CALN1: variants seen among roughly 807,000 people sequenced by gnomAD.
CALN1 encodes the protein calcium-binding protein 8.
Under a neutral mutation model 30.6 loss-of-function variants are expected in CALN1, and 17 were observed. That is an observed-to-expected ratio of 0.56 (90% CI 0.38 to 0.83). CALN1 has a LOEUF of 0.83. Among genes scored for constraint, CALN1 ranks in the 40% least tolerant of loss-of-function variants. The pLI is 0.00. For missense variants in CALN1, 291 were observed against 354.9 expected, an observed-to-expected ratio of 0.82 and a Z score of 1.45; for synonymous variants, 156 against 131.4, an observed-to-expected ratio of 1.19 and a Z score of -1.28.
intron 3 of CALN1, among the ~76,000 whole-genome samples, chr7:72,107,028 GAAAA>G (rs1807220655): frequency 6.6e-6 from 1 of 151,884 alleles, no homozygotes; most frequent in East Asian, 1.9e-4. Context: ...GAGAAAAAAA[GAAAA>G]AGAAAGAAAG....
intron 5 of CALN1, among the ~76,000 whole-genome samples, chr7:71,965,652 C>T (rs1797495417): frequency 6.6e-6 from 1 of 152,146 alleles, no homozygotes; most frequent in Admixed American, 6.6e-5. Context: ...TTACCTTATT[C>T]ATTTAAAAGA....
chr7:72,502,227 T>C, the CALN1 span, among the ~76,000 whole-genome samples: 2 of 149,576 alleles, frequency 1.3e-5, no homozygotes, highest in African/African-American at 4.9e-5. Context: ...GCTGAATTGC[T>C]TGTGGGGCGG....
chr7:72,054,464 T>TACATATATAC (rs1398201770), intron 4 of CALN1, among the ~76,000 whole-genome samples: 1 of 126,184 alleles, frequency 7.9e-6, no homozygotes, highest in Non-Finnish European at 1.7e-5. Context: ...TATACATATA[T>TACATATATAC]ATACATATAT....
chr7:72,102,898 C>T (rs1806779107), intron 4 of CALN1, among the ~76,000 whole-genome samples: 1 of 151,860 alleles, frequency 6.6e-6, no homozygotes, highest in African/African-American at 2.4e-5. Context: ...CATGGTGAAA[C>T]CCTGTCTGTA....
At chr7:72,220,924 T>C (rs1326459174) in intron 3 of CALN1, among the ~76,000 whole-genome samples, 2 of 152,182 alleles carry the variant, frequency 1.3e-5, no homozygotes, top group African/African-American at 4.8e-5. Flanking sequence ...TTTGAGTTCA[T>C]TGTAGATTCT....
chr7:72,419,680 G>A (rs929383367), intron 1 of CALN1, among the ~76,000 whole-genome samples: 2 of 152,106 alleles, frequency 1.3e-5, no homozygotes, highest in African/African-American at 4.8e-5. Flanking sequence ...TTATTGGCCT[G>A]CCATACCCCT....
At chr7:71,979,408 T>C (rs1798272825) in intron 5 of CALN1, among the ~76,000 whole-genome samples, 1 of 152,166 alleles carries the variant, frequency 6.6e-6, no homozygotes, top group Non-Finnish European at 1.5e-5. Flanking sequence ...TGGGAGACAG[T>C]GACAGATCAT....
At chr7:72,457,004 C>CTTTTTTTTTTTTTTT in the CALN1 span, among the ~76,000 whole-genome samples, 11 of 106,598 alleles carry the variant, frequency 1.0e-4, no homozygotes, top group Non-Finnish European at 1.7e-4. Context: ...TTCTTTCTTT[C>CTTTTTTTTTTTTTTT]TTTTTTTTTT....
At chr7:71,857,321 G>A (rs919159150) in intron 5 of CALN1, among the ~76,000 whole-genome samples, 1 of 152,040 alleles carries the variant, frequency 6.6e-6, no homozygotes, top group Non-Finnish European at 1.5e-5. Context: ...GCATCTTCCC[G>A]CCTCTGGCAC....
intron 4 of CALN1, among the ~76,000 whole-genome samples, chr7:72,070,158 T>C (rs894686289): frequency 1.3e-5 from 2 of 152,188 alleles, no homozygotes; most frequent in African/African-American, 4.8e-5. Flanking sequence ...CTGTCAAAAC[T>C]AGTTTGGTCA....
intron 2 of CALN1, among the ~76,000 whole-genome samples, chr7:72,397,592 C>T (rs1051182986): frequency 6.6e-5 from 10 of 152,042 alleles, no homozygotes; most frequent in Non-Finnish European, 1.0e-4. Flanking sequence ...ATGTGTTCCT[C>T]AATGGGGCAG....
chr7:72,186,515 C>T (rs373038284), intron 3 of CALN1, among the ~76,000 whole-genome samples: 3 of 152,214 alleles, frequency 2.0e-5, no homozygotes, highest in African/African-American at 7.2e-5. Flanking sequence ...GAACTGAACC[C>T]CTTACACAAG....
In CALN1 at chr7:72,388,006, CAA is replaced by C. The variant is rs1424947830; in HGVS notation, c.119+15243_119+15244del. Among the ~76,000 whole-genome samples, 3 of 152,086 alleles carry C rather than the reference CAA, an allele frequency of 2.0e-5. No homozygotes were observed. In the East Asian group the frequency reaches 5.8e-4, roughly 29 times the overall value. The stretch of plus-strand genomic sequence containing the variant: ...TTAACAATAACATGTTGTATATTTC[CAA>C]AGAGTTACTAGGTTGGTGCAAAAGT... On this transcript the variant is annotated intron_variant, in intron 2 of 6. Coordinates refer to ENST00000395275, the MANE Select transcript of CALN1 (RefSeq NM_031468.4).
chr7:72,096,563 T>C (rs546269792), intron 4 of CALN1, among the ~76,000 whole-genome samples: 1 of 152,094 alleles, frequency 6.6e-6, no homozygotes, highest in African/African-American at 2.4e-5. Context: ...TCCCAGCCCT[T>C]TGGGAGACCG....
At chr7:72,305,081 G>C (rs769322211) in intron 2 of CALN1, among the ~76,000 whole-genome samples, 5 of 152,332 alleles carry the variant, frequency 3.3e-5, no homozygotes, top group Admixed American at 6.5e-5. Flanking sequence ...CCTCCAAAGA[G>C]AGCCTGGGTT....
At chr7:71,808,627 T>C (rs1035627878) in intron 6 of CALN1, among the ~76,000 whole-genome samples, 2 of 152,150 alleles carry the variant, frequency 1.3e-5, no homozygotes, top group African/African-American at 4.8e-5. Context: ...CGAATTTAGA[T>C]TATTTCCCAG....
intron 5 of CALN1, among the ~76,000 whole-genome samples, chr7:71,831,396 C>T (rs745974230): frequency 5.9e-5 from 9 of 152,026 alleles, no homozygotes; most frequent in Non-Finnish European, 1.2e-4. Context: ...AGGAGAATCG[C>T]TTGAACCCAG....
At chr7:72,004,573 G>C (rs1237126701) in intron 5 of CALN1, among the ~76,000 whole-genome samples, 1 of 152,076 alleles carries the variant, frequency 6.6e-6, no homozygotes, top group Non-Finnish European at 1.5e-5. Context: ...TCTTCCAAAG[G>C]TTGTAAGAAG....
upstream of CALN1, among the ~76,000 whole-genome samples, chr7:72,416,487 G>T (rs773579596): frequency 6.6e-6 from 1 of 152,114 alleles, no homozygotes; most frequent in Non-Finnish European, 1.5e-5. Context: ...TAATCCCAGC[G>T]CTTTGCGAGG....
Sources: gnomAD v4.1 joint callset for allele counts (sites outside exome capture counted in the v4.1 genomes callset) on GRCh38, gnomAD v4.1.1 for gene constraint, MANE v1.5 for transcripts, NCBI Gene and HGNC (gene_info 2026-07-23, HGNC 2026-07-21) for gene names.